The following ATP8A2 variants were observed in gnomAD, a reference collection of about 807,000 sequenced individuals.
ATP8A2 encodes the protein phospholipid-transporting ATPase IB.
ATP8A2 carries 100 observed loss-of-function variants against 165.6 expected under a neutral mutation model. The observed-to-expected ratio is 0.60, with a 90% CI of 0.51 to 0.71. The LOEUF (loss-of-function observed/expected upper bound fraction) is 0.71, where lower values mean the gene tolerates loss of function less well. ATP8A2 is among the 30% of genes least tolerant of loss of function. ATP8A2 has a pLI of 0.00. For missense variants in ATP8A2, 1,227 were observed against 1,479.5 expected (o/e 0.83, Z 2.80); for synonymous variants, 543 against 548.8 (o/e 0.99, Z 0.15).
At chr13:25,942,421 A>G (rs1955095454) in intron 33 of ATP8A2, among the ~76,000 whole-genome samples, 1 of 152,040 alleles carries the variant, frequency 6.6e-6, no homozygotes, top group African/African-American at 2.4e-5. Context: ...AGGCAAGCTT[A>G]TCGATTTTCT....
chr13:25,927,200 G>A (rs1171085596), intron 33 of ATP8A2: 1 of 456,578 alleles, frequency 2.2e-6, no homozygotes, highest in African/African-American at 2.0e-5. Flanking sequence ...GTGCCCCGGA[G>A]CCCCACTCCT....
chr13:25,534,321 G>A (rs2038210412), intron 6 of ATP8A2: 1 of 440,612 alleles, frequency 2.3e-6, no homozygotes, highest in South Asian at 1.7e-5. Context: ...TTGGTCAGGA[G>A]GTTGGGAATT....
intron 33 of ATP8A2, among the ~76,000 whole-genome samples, chr13:25,893,011 G>A (rs995096688): frequency 6.6e-6 from 1 of 151,790 alleles, no homozygotes; most frequent in East Asian, 1.9e-4. Context: ...TGTAGCGTAA[G>A]TCCAGAGAAG....
At chr13:25,794,820 TACACACAC>T (rs3053488) in intron 27 of ATP8A2, among the ~76,000 whole-genome samples, 29 of 139,592 alleles carry the variant, frequency 2.1e-4, no homozygotes, top group African/African-American at 2.7e-4. Context: ...TTCCCTCTCC[TACACACAC>T]ACACACACAC....
At chr13:25,502,372 A>G (rs952782639) in intron 2 of ATP8A2, among the ~76,000 whole-genome samples, 1 of 152,234 alleles carries the variant, frequency 6.6e-6, no homozygotes, top group African/African-American at 2.4e-5. Flanking sequence ...CCTCATCATC[A>G]TGTCATTGGG....
At chr13:25,475,025 T>G (rs751972223) in intron 2 of ATP8A2, among the ~76,000 whole-genome samples, 17 of 151,982 alleles carry the variant, frequency 1.1e-4, no homozygotes, top group Admixed American at 5.9e-4. Flanking sequence ...TCACCATGTT[T>G]GTCAGGCTGG....
chr13:25,663,102 G>A (rs1311201715), intron 24 of ATP8A2, among the ~76,000 whole-genome samples: 1 of 152,136 alleles, frequency 6.6e-6, no homozygotes, highest in Non-Finnish European at 1.5e-5. Flanking sequence ...CAGATTTGAG[G>A]ACATTAAGGC....
intron 2 of ATP8A2, among the ~76,000 whole-genome samples, chr13:25,500,566 C>A (rs1294066071): frequency 2.6e-5 from 4 of 151,892 alleles, no homozygotes; most frequent in Non-Finnish European, 4.4e-5. Flanking sequence ...AGAGTAATAA[C>A]AGTGGTAACT....
chr13:25,986,872 A>G (rs570308833), intron 35 of ATP8A2, among the ~76,000 whole-genome samples: 1 of 152,270 alleles, frequency 6.6e-6, no homozygotes, highest in East Asian at 1.9e-4. Context: ...GAAAAATAAC[A>G]TTGCTTCCCA....
chr13:25,535,997 A>G (rs2137954817), intron 6 of ATP8A2, among the ~76,000 whole-genome samples: 1 of 152,244 alleles, frequency 6.6e-6, no homozygotes, highest in South Asian at 2.1e-4. Context: ...AAAAAAATCC[A>G]CTGCCTTTTT....
intron 25 of ATP8A2, among the ~76,000 whole-genome samples, chr13:25,753,739 T>C (rs2044203287): frequency 6.6e-6 from 1 of 152,182 alleles, no homozygotes; most frequent in African/African-American, 2.4e-5. Flanking sequence ...TGCTCCCTGA[T>C]TGTGGAAGGG....
At chr13:25,782,800 C>T (rs2044915868) in intron 27 of ATP8A2, among the ~76,000 whole-genome samples, 2 of 152,158 alleles carry the variant, frequency 1.3e-5, no homozygotes, top group South Asian at 2.1e-4. Context: ...AGTGCAATGG[C>T]GTGATCTCGA....
At chr13:26,019,620 C>A (rs1242163548) in intron 36 of ATP8A2, among the ~76,000 whole-genome samples, 2 of 152,158 alleles carry the variant, frequency 1.3e-5, no homozygotes, top group Non-Finnish European at 2.9e-5. Flanking sequence ...CAGCCGCAGC[C>A]CCCTAGAAAT....
intron 1 of ATP8A2, among the ~76,000 whole-genome samples, chr13:25,455,542 T>C (rs956937301): frequency 6.6e-6 from 1 of 152,248 alleles, no homozygotes; most frequent in Non-Finnish European, 1.5e-5. Context: ...TATCAACTTA[T>C]ACATTTCATT....
intron 1 of ATP8A2, among the ~76,000 whole-genome samples, chr13:25,468,278 T>A (rs1016856349): frequency 6.6e-6 from 1 of 152,148 alleles, no homozygotes; most frequent in African/African-American, 2.4e-5. Context: ...AGCAATAAAA[T>A]GAAAGCTCGA....
chr13:25,739,975 G>A (rs898400212), intron 25 of ATP8A2, among the ~76,000 whole-genome samples: 3 of 152,206 alleles, frequency 2.0e-5, no homozygotes, highest in Non-Finnish European at 2.9e-5. Context: ...GTCCACCACA[G>A]TGGGCTGACC....
intron 1 of ATP8A2, among the ~76,000 whole-genome samples, chr13:25,461,772 T>G (rs185698070): frequency 5.3e-4 from 80 of 152,130 alleles, no homozygotes; most frequent in African/African-American, 1.8e-3. Context: ...ATATAAGGGC[T>G]CAGCAAACCA....
chr13:25,872,413 C>G (rs1952703727), intron 33 of ATP8A2, among the ~76,000 whole-genome samples: 1 of 152,182 alleles, frequency 6.6e-6, no homozygotes, highest in African/African-American at 2.4e-5. Flanking sequence ...CTGGATCCAG[C>G]TCTGCCTGAA....
chr13:25,445,087 A>G (rs576963352), intron 1 of ATP8A2, among the ~76,000 whole-genome samples: 41 of 152,338 alleles, frequency 2.7e-4, no homozygotes, highest in African/African-American at 9.9e-4. Flanking sequence ...TGTATTACAA[A>G]TATATTTTTC....
Sources: gnomAD v4.1 joint callset for allele counts (sites outside exome capture counted in the v4.1 genomes callset) on GRCh38, gnomAD v4.1.1 for gene constraint, MANE v1.5 for transcripts, NCBI Gene and HGNC (gene_info 2026-07-23, HGNC 2026-07-21) for gene names.